Variants in SLC2A10 observed in about 807,000 individuals in gnomAD.
SLC2A10 encodes solute carrier family 2, facilitated glucose transporter member 10.
A neutral mutation model predicts 32.1 loss-of-function variants in SLC2A10; 25 were observed. That is an observed-to-expected ratio of 0.78 (90% CI 0.57 to 1.09). The LOEUF (loss-of-function observed/expected upper bound fraction) is 1.09. Among genes scored for constraint, SLC2A10 ranks in the 50% least tolerant of loss-of-function variants. SLC2A10 has a pLI of 0.00. For synonymous variants in SLC2A10, 332 were observed against 309.6 expected (o/e 1.07, Z -0.76); for missense variants, 673 against 686.5 (o/e 0.98, Z 0.22).
intron 3 of SLC2A10, 56 bp from the exon 4 acceptor site, chr20:46,729,297 G>T (rs1424069507): frequency 6.2e-7 from 1 of 1,610,366 alleles, no homozygotes; most frequent in East Asian, 2.2e-5. Flanking sequence ...GTTGGCCCAG[G>T]CTGCGGGGCC....
At position 46,734,037 on chromosome 20, in the gene SLC2A10, G is replaced by A; in HGVS notation, c.*203G>A. On this transcript the variant is annotated 3_prime_UTR_variant, in exon 5 of 5. Transcript: ENST00000359271. ...TCATTTTGAGTCTCAGGCCCTGAAGGTTCCTGAGGATCTAGCTTCATGCCT... is the reference window on the plus strand; with the variant it reads ...TCATTTTGAGTCTCAGGCCCTGAAGATTCCTGAGGATCTAGCTTCATGCCT... 1.6e-6 allele frequency: 1 copy of A among 630,666 alleles called. No homozygotes were observed. The highest frequency in any genetic ancestry group is 2.9e-6 in the Non-Finnish European group (1 of 350,162). The allele number at this position is 630,666 out of a possible 1,614,324, so 39.1% of individuals were successfully genotyped here.
chr20:46,718,261 T>G (rs1467824354), intron 1 of SLC2A10, among the ~76,000 whole-genome samples: 3 of 152,198 alleles, frequency 2.0e-5, no homozygotes, highest in Non-Finnish European at 4.4e-5. Flanking sequence ...TTCTTTTTCC[T>G]GTGTCTGTTC....
Position 46,725,835 on chromosome 20 carries a change from TC to T in SLC2A10, c.801del (p.Ser268GlnfsTer12). 6.2e-7 allele frequency: 1 copy of T among 1,614,256 alleles called. No homozygotes were observed. The highest frequency in any genetic ancestry group is 8.5e-7 in the Non-Finnish European group (1 of 1,180,040). On this transcript the variant is annotated frameshift_variant, in exon 2 of 5. Coordinates refer to ENST00000359271, the MANE Select transcript of SLC2A10 (RefSeq NM_030777.4). LOFTEE classifies it high-confidence loss of function. ...IFSSVGFHGG[S>X]SAVLASVGLG... ...CAGCTCCGTTGGTTTCCATGGGGGA[TC>T]CTCAGCCGTGCTGGCCTCTGTGGGG...
Position 46,729,637 on chromosome 20 carries a change from T to G in SLC2A10, c.1547+149T>G, listed in dbSNP as rs968565871. Reference sequence around the variant, plus strand: ...CTGGGCACTATGAGTTTTTTTTTTTTTTTTTTTTTTTTTTTTTTTTTTGAG... The same window carrying G: ...CTGGGCACTATGAGTTTTTTTTTTTGTTTTTTTTTTTTTTTTTTTTTTGAG... On this transcript the variant is annotated intron_variant, in intron 4 of 4. Transcript: ENST00000359271. The G allele has an allele frequency of 2.0e-3, 475 of 241,040 alleles. 2 individuals are homozygous for G. Among genetic ancestry groups the G allele is most frequent in the African/African-American group, 9.5e-3 (215 of 22,562 alleles). The allele number at this position is 241,040 out of a possible 1,614,324, so 14.9% of individuals were successfully genotyped here.
chr20:46,708,879 GC>G (rs1274137692), upstream of SLC2A10, among the ~76,000 whole-genome samples: 1 of 152,172 alleles, frequency 6.6e-6, no homozygotes, highest in Non-Finnish European at 1.5e-5. Context: ...CGGGGCCTTT[GC>G]CTTTGCTGTT....
At chr20:46,729,948 C>T (rs564841495) in intron 4 of SLC2A10, among the ~76,000 whole-genome samples, 137 of 152,240 alleles carry the variant, frequency 9.0e-4, no homozygotes, top group African/African-American at 3.2e-3. Context: ...GAGTTTTGTC[C>T]GGTCACACAC....
At chr20:46,719,747 A>G (rs566022530) in intron 1 of SLC2A10, among the ~76,000 whole-genome samples, 1 of 152,300 alleles carries the variant, frequency 6.6e-6, no homozygotes, top group African/African-American at 2.4e-5. Flanking sequence ...TTTCTTAATC[A>G]AGTCTGGCAT....
At chr20:46,708,746 C>G (rs1978729269), upstream of SLC2A10, among the ~76,000 whole-genome samples, 1 of 152,142 alleles carries the variant, frequency 6.6e-6, no homozygotes, top group Admixed American at 6.5e-5. Context: ...CATTCCTGAC[C>G]CTGGCCCACC....
chr20:46,714,801 C>G (rs933488897), intron 1 of SLC2A10, among the ~76,000 whole-genome samples: 3 of 152,126 alleles, frequency 2.0e-5, no homozygotes, highest in Non-Finnish European at 4.4e-5. Flanking sequence ...TGTTCTTCCT[C>G]GTCTTCCTAA....
intron 1 of SLC2A10, among the ~76,000 whole-genome samples, chr20:46,719,431 A>C (rs1317408624): frequency 1.4e-4 from 22 of 152,230 alleles, no homozygotes; most frequent in African/African-American, 4.3e-4. Context: ...ATGAACTCAC[A>C]GTTCCATGTG....
intron 1 of SLC2A10, among the ~76,000 whole-genome samples, chr20:46,712,164 G>C (rs1361484125): frequency 6.6e-6 from 1 of 152,172 alleles, no homozygotes; most frequent in Non-Finnish European, 1.5e-5. Flanking sequence ...GGCTATAGTG[G>C]GTACTCCAAG....
At chr20:46,733,500 G>A (rs779247105) in intron 4 of SLC2A10, among the ~76,000 whole-genome samples, 7 of 152,146 alleles carry the variant, frequency 4.6e-5, no homozygotes, top group South Asian at 2.1e-4. Flanking sequence ...AGATTTTTGC[G>A]TTTAGGAAGG....
chr20:46,718,643 A>G (rs1979384517), intron 1 of SLC2A10, among the ~76,000 whole-genome samples: 1 of 151,700 alleles, frequency 6.6e-6, no homozygotes, highest in Non-Finnish European at 1.5e-5. Context: ...ATTTATTACA[A>G]TTTTTATTCT....
In SLC2A10 at chr20:46,733,723, A is replaced by AC. The variant is rs760291364; in HGVS notation, c.1548-28dup. ...CCCAGGGACGGCCCCAGGCCCTGCC[A>AC]CCCCCTGATCCCACGCATTCTTTGT... On this transcript the variant is annotated intron_variant, in intron 4 of 4. Transcript: ENST00000359271. The AC allele has an allele frequency of 4.4e-6, 7 of 1,600,276 alleles. No individual in the cohort carries two copies. The South Asian group carries it at 6.6e-5, about 15-fold the overall frequency.
chr20:46,725,099 C>G lies in SLC2A10; in HGVS notation c.63C>G (p.Thr21=), dbSNP rs920395882. The stretch of plus-strand genomic sequence containing the variant: ...CTGTGTCTTTGCTGGGTGGCCTGAC[C>G]TTTGGTTATGAACTGGCAGTCATAT... ...CASVSLLGGL[T]FGYELAVISG... is the part of the protein sequence containing the mutation. Residue 21 remains threonine, a synonymous_variant, in exon 2 of 5, where the codon ACC becomes ACG. Coordinates refer to ENST00000359271, the MANE Select transcript of SLC2A10 (RefSeq NM_030777.4). The G allele has an allele frequency of 6.2e-7, 1 of 1,614,082 alleles. No individual in the cohort carries two copies.
rs1000823675 is a variant in SLC2A10 at position 46,735,750 on chromosome 20, C to T, written c.*1916C>T. The T allele has an allele frequency of 5.3e-5, 8 of 152,298 alleles. No homozygotes were observed. Among genetic ancestry groups the T allele is most frequent in the East Asian group, 3.9e-4 (2 of 5,184 alleles). 9.4% of individuals were successfully genotyped at this position (152,298 alleles called of 1,614,324 possible). On this transcript the variant is annotated 3_prime_UTR_variant, in exon 5 of 5. Transcript: ENST00000359271. ...TAAAATGTCAGTAATGCAAATTAAA[C>T]TTTAAAGTATGTCTTGTTTGTAGCC...
At chr20:46,709,506 C>T (rs2122985189), upstream of SLC2A10, 2 of 470,900 alleles carry the variant, frequency 4.2e-6, no homozygotes, top group African/African-American at 2.1e-5. Flanking sequence ...CCTTGCCAGG[C>T]CTGGGGCGGC....
Position 46,734,836 on chromosome 20 carries a change from G to A in SLC2A10, c.*1002G>A, listed in dbSNP as rs1980490946. The stretch of plus-strand genomic sequence containing the variant: ...CAGGATGGTGCAGGATGGCTTTGCG[G>A]AAAGGAGATGGGTTTGGAGGCCAAC... On this transcript the variant is annotated 3_prime_UTR_variant, in exon 5 of 5. Coordinates refer to ENST00000359271, the MANE Select transcript of SLC2A10 (RefSeq NM_030777.4). 1 of 152,682 alleles carries A rather than the reference G, an allele frequency of 6.5e-6. No individual in the cohort carries two copies. The allele number at this position is 152,682 out of a possible 1,614,324, so 9.5% of individuals were successfully genotyped here.
intron 3 of SLC2A10, among the ~76,000 whole-genome samples, chr20:46,727,403 C>T (rs919006946): frequency 4.6e-5 from 7 of 152,172 alleles, no homozygotes; most frequent in Non-Finnish European, 1.0e-4. Context: ...TCACTGCAAC[C>T]TCCACCTCCC....
Sources: allele counts gnomAD v4.1 joint callset (sites outside exome capture counted in the v4.1 genomes callset), GRCh38; gene constraint gnomAD v4.1.1; transcripts MANE v1.5; gene names NCBI Gene and HGNC (gene_info 2026-07-23, HGNC 2026-07-21).